Variants in PARP9 observed in about 807,000 individuals in gnomAD.
PARP9 encodes protein mono-ADP-ribosyltransferase PARP9.
A neutral mutation model predicts 68.8 loss-of-function variants in PARP9; 48 were observed. That is an observed-to-expected ratio of 0.70 (90% CI 0.55 to 0.89). PARP9 has a LOEUF of 0.89. Among genes scored for constraint, PARP9 ranks in the 40% least tolerant of loss-of-function variants. PARP9 has a pLI of 0.00. For missense variants in PARP9, 806 were observed against 969.3 expected (o/e 0.83, Z 2.24); for synonymous variants, 309 against 333.8 (o/e 0.93, Z 0.81).
chr3:122,538,658 C>CCCCACACA (rs1553714231), intron 8 of PARP9, among the ~76,000 whole-genome samples: 1 of 144,942 alleles, frequency 6.9e-6, no homozygotes, highest in African/African-American at 2.6e-5. Flanking sequence ...TAAAGCAATG[C>CCCCACACA]CACACACACA....
At chr3:122,536,073 C>T in intron 10 of PARP9, 95 bp downstream of exon 10, 1 of 1,600,580 alleles carries the variant, frequency 6.2e-7, no homozygotes, top group East Asian at 2.2e-5. Context: ...ATGATCCCTT[C>T]CCCACAACAA....
chr3:122,549,146 C>T (rs867474681), intron 6 of PARP9, among the ~76,000 whole-genome samples: 1 of 152,066 alleles, frequency 6.6e-6, no homozygotes, highest in Non-Finnish European at 1.5e-5. Flanking sequence ...TCCCGAGTAG[C>T]TGGGATTACA....
intron 10 of PARP9, chr3:122,535,503 A>T: frequency 1.0e-6 from 1 of 985,412 alleles, no homozygotes; most frequent in East Asian, 1.1e-4. Flanking sequence ...CATAATTTTT[A>T]CTAAATTTCT....
At position 122,533,637 on chromosome 3, in the gene PARP9, G is replaced by C. The variant is rs187263039; in HGVS notation, c.2080+2531C>G. ...TTACACTCTATTTCTAGTACCCCTA[G>C]CACAGGGCCTGATTCATAGAATGTG... On this transcript the variant is annotated intron_variant, in intron 10 of 10. Coordinates refer to ENST00000682323, the MANE Select transcript of PARP9 (RefSeq NM_001146105.2). 1.2e-5 allele frequency: 11 copies of C among 947,982 alleles called. No homozygotes were observed. The East Asian group carries it at 1.3e-3, about 110-fold the overall frequency. The allele number at this position is 947,982 out of a possible 1,614,324, so 58.7% of individuals were successfully genotyped here.
chr3:122,551,296 C>T (rs1019358926), intron 5 of PARP9, among the ~76,000 whole-genome samples: 1 of 152,028 alleles, frequency 6.6e-6, no homozygotes, highest in Non-Finnish European at 1.5e-5. Context: ...CAAAGTAATA[C>T]AGGAATGTTG....
intron 3 of PARP9, among the ~76,000 whole-genome samples, chr3:122,558,096 C>T (rs56751090): frequency 3.9e-4 from 59 of 152,276 alleles, no homozygotes; most frequent in African/African-American, 1.2e-3. Context: ...TAATGGGGGA[C>T]CCCTGGAATT....
intron 8 of PARP9, among the ~76,000 whole-genome samples, chr3:122,538,356 G>A (rs1335956494): frequency 6.6e-6 from 1 of 152,102 alleles, no homozygotes; most frequent in Non-Finnish European, 1.5e-5. Flanking sequence ...ATTAAGAGTG[G>A]CATAAAAGAG....
chr3:122,559,522 A>T, intron 2 of PARP9, 84 bp downstream of exon 2: 4 of 1,366,708 alleles, frequency 2.9e-6, no homozygotes, highest in Non-Finnish European at 3.9e-6. Context: ...CTGTTGGTGA[A>T]CACCCCAGAT....
intron 2 of PARP9, among the ~76,000 whole-genome samples, chr3:122,559,136 C>T (rs2079974353): frequency 6.6e-6 from 1 of 152,168 alleles, no homozygotes; most frequent in South Asian, 2.1e-4. Flanking sequence ...TCTCCAAAAG[C>T]TCATGGGGTT....
chr3:122,547,731 T>A (rs1438644215), intron 6 of PARP9, among the ~76,000 whole-genome samples: 1 of 151,966 alleles, frequency 6.6e-6, no homozygotes, highest in Non-Finnish European at 1.5e-5. Context: ...CGCATGCCTG[T>A]AGGTCTAACT....
At chr3:122,540,084 C>T (rs1483050686) in intron 8 of PARP9, among the ~76,000 whole-genome samples, 1 of 152,126 alleles carries the variant, frequency 6.6e-6, no homozygotes, top group African/African-American at 2.4e-5. Context: ...CAAATAAATA[C>T]AATAAAACTT....
At chr3:122,545,739 C>G (rs1279716308) in intron 6 of PARP9, 2 of 477,598 alleles carry the variant, frequency 4.2e-6, no homozygotes, top group Admixed American at 3.8e-5. Flanking sequence ...GAAGACTATA[C>G]ATTCCGAGAC....
At chr3:122,540,289 C>T (rs185410212) in intron 8 of PARP9, among the ~76,000 whole-genome samples, 183 bp downstream of exon 8, 2 of 152,186 alleles carry the variant, frequency 1.3e-5, no homozygotes, top group Admixed American at 1.3e-4. Flanking sequence ...TCACAAATAA[C>T]CCTGATTGTC....
At chr3:122,540,934 A>G in intron 7 of PARP9, 82 bp from the exon 8 acceptor site, 3 of 1,441,324 alleles carry the variant, frequency 2.1e-6, no homozygotes, top group Non-Finnish European at 2.8e-6. Flanking sequence ...TCTGTCTCAC[A>G]AGCTGGAGTG....
At chr3:122,552,280 G>A (rs763615549) in intron 5 of PARP9, 138 bp downstream of exon 5, 30 of 631,118 alleles carry the variant, frequency 4.8e-5, no homozygotes, top group Admixed American at 2.1e-4. Context: ...TCTGGTACTC[G>A]CAGGTGTGCT....
At position 122,562,609 on chromosome 3, in the gene PARP9, C is replaced by T. The variant is rs191287428; in HGVS notation, c.-90+1636G>A. Among the ~76,000 whole-genome samples the T allele has an allele frequency of 1.4e-3, 206 of 152,276 alleles. 1 individual carries two copies. The highest frequency in any genetic ancestry group is 6.8e-3 in the Middle Eastern group (2 of 294). On this transcript the variant is annotated intron_variant, in intron 1 of 10. Transcript: ENST00000682323. The stretch of plus-strand genomic sequence containing the variant: ...AATGTAAAAGGTTTCCTCCTGTCTC[C>T]GCTGCTAAATTCCCTGTCCAGAGTC...
At chr3:122,564,318 A>T (rs1009216996), upstream of PARP9, 107 of 1,288,762 alleles carry the variant, frequency 8.3e-5, no homozygotes, top group African/African-American at 1.6e-3. Flanking sequence ...ACAGGGAGGG[A>T]CCTCCAGGGA....
intron 8 of PARP9, 82 bp from the exon 9 acceptor site, chr3:122,537,155 T>A: frequency 7.1e-7 from 1 of 1,414,304 alleles, no homozygotes; most frequent in Admixed American, 2.1e-5. Context: ...TTCTAGAAAT[T>A]TAGAGGAAGG....
chr3:122,550,498 A>G, intron 6 of PARP9, 86 bp downstream of exon 6: 1 of 1,120,298 alleles, frequency 8.9e-7, no homozygotes, highest in Non-Finnish European at 1.3e-6. Context: ...CATCCCCTGC[A>G]TCTTACATTG....
Sources: gnomAD v4.1 joint callset for allele counts (sites outside exome capture counted in the v4.1 genomes callset) on GRCh38, gnomAD v4.1.1 for gene constraint, MANE v1.5 for transcripts, NCBI Gene and HGNC (gene_info 2026-07-23, HGNC 2026-07-21) for gene names.